OPCML: variants seen among roughly 807,000 people sequenced by gnomAD.
OPCML encodes opioid-binding protein/cell adhesion molecule.
In OPCML, 13 loss-of-function variants were observed where a neutral mutation model predicts 37.8. That is an observed-to-expected ratio of 0.34 (90% CI 0.22 to 0.55). The LOEUF (loss-of-function observed/expected upper bound fraction) is 0.55. OPCML is among the 20% of genes least tolerant of loss of function. The probability of loss-of-function intolerance (pLI) is 0.91; values close to 1 mark genes in which losing one functional copy is unlikely to be tolerated. For synonymous variants in OPCML, 176 were observed against 168.8 expected (o/e 1.04, Z -0.33); for missense variants, 341 against 435.6 (o/e 0.78, Z 1.93).
At chr11:132,620,618 C>T (rs1030021706) in intron 3 of OPCML, among the ~76,000 whole-genome samples, 6 of 152,208 alleles carry the variant, frequency 3.9e-5, no homozygotes, top group Admixed American at 6.5e-5. Flanking sequence ...CAGCTGGTGA[C>T]TTGGCAGGTG....
chr11:132,765,289 G>T (rs1435726592), intron 2 of OPCML, among the ~76,000 whole-genome samples: 1 of 152,154 alleles, frequency 6.6e-6, no homozygotes, highest in East Asian at 1.9e-4. Flanking sequence ...TAAACAAGAC[G>T]TCGTCAGTGA....
At chr11:132,475,079 G>A (rs2096150854) in intron 4 of OPCML, among the ~76,000 whole-genome samples, 1 of 152,094 alleles carries the variant, frequency 6.6e-6, no homozygotes, top group South Asian at 2.1e-4. Context: ...CACCAGCCCT[G>A]AGGTCCCTGC....
intron 3 of OPCML, among the ~76,000 whole-genome samples, chr11:132,577,540 A>C (rs542152986): frequency 1.3e-5 from 2 of 152,260 alleles, no homozygotes; most frequent in Non-Finnish European, 2.9e-5. Context: ...CTGGGATGTA[A>C]AATACAACCA....
chr11:132,516,880 A>G (rs1383585261), intron 4 of OPCML, among the ~76,000 whole-genome samples: 2 of 151,800 alleles, frequency 1.3e-5, no homozygotes, highest in African/African-American at 4.8e-5. Flanking sequence ...TCTCAGACTG[A>G]CTCTAGCTGA....
At chr11:132,456,061 G>A (rs2096081888) in intron 4 of OPCML, among the ~76,000 whole-genome samples, 1 of 152,156 alleles carries the variant, frequency 6.6e-6, no homozygotes, top group Admixed American at 6.5e-5. Context: ...GTAGTCTAGT[G>A]CTCACTATCT....
At chr11:132,648,472 A>G (rs542309189) in intron 3 of OPCML, among the ~76,000 whole-genome samples, 2 of 150,470 alleles carry the variant, frequency 1.3e-5, no homozygotes, top group South Asian at 4.2e-4. Flanking sequence ...ATTTAATTCT[A>G]TTGCAAATAA....
chr11:133,191,501 G>A (rs890711215), intron 1 of OPCML, among the ~76,000 whole-genome samples: 1 of 124,692 alleles, frequency 8.0e-6, no homozygotes, highest in African/African-American at 3.6e-5. Context: ...TTCTGTGTGT[G>A]TGGGTGTGTG....
intron 2 of OPCML, among the ~76,000 whole-genome samples, chr11:132,836,427 C>A (rs934324766): frequency 1.3e-5 from 2 of 152,154 alleles, no homozygotes; most frequent in African/African-American, 4.8e-5. Context: ...AATAACATAA[C>A]TGTCTTAAGG....
chr11:132,740,270 C>T (rs1055569590), intron 2 of OPCML, among the ~76,000 whole-genome samples: 1 of 152,330 alleles, frequency 6.6e-6, no homozygotes, highest in East Asian at 1.9e-4. Context: ...TGGTCCTCCC[C>T]TGCCCCTTGG....
intron 1 of OPCML, among the ~76,000 whole-genome samples, chr11:133,265,744 C>A (rs940014196): frequency 1.3e-5 from 2 of 152,144 alleles, no homozygotes; most frequent in African/African-American, 4.8e-5. Context: ...CGGCGCTCCT[C>A]CCAGGTGTCA....
chr11:133,260,673 A>T (rs1287537099), intron 1 of OPCML, among the ~76,000 whole-genome samples: 1 of 149,564 alleles, frequency 6.7e-6, no homozygotes, highest in Admixed American at 6.6e-5. Flanking sequence ...GGAAACTAAA[A>T]ATTAAATTAA....
intron 4 of OPCML, among the ~76,000 whole-genome samples, chr11:132,453,605 C>T (rs556230866): frequency 6.6e-6 from 1 of 152,172 alleles, no homozygotes; most frequent in African/African-American, 2.4e-5. Flanking sequence ...TTACTCATAA[C>T]TAAATATAAG....
At chr11:133,474,560 G>C (rs1947192679) in intron 1 of OPCML, among the ~76,000 whole-genome samples, 1 of 152,152 alleles carries the variant, frequency 6.6e-6, no homozygotes, top group Non-Finnish European at 1.5e-5. Flanking sequence ...AAAATCATAG[G>C]GTGCTGTGGA....
intron 1 of OPCML, among the ~76,000 whole-genome samples, chr11:133,028,380 C>A (rs1215184942): frequency 6.6e-6 from 1 of 152,264 alleles, no homozygotes; most frequent in East Asian, 1.9e-4. Context: ...CTTACTCTTG[C>A]CTCATCTGCT....
intron 1 of OPCML, among the ~76,000 whole-genome samples, chr11:133,055,357 C>T (rs1381476225): frequency 2.0e-5 from 3 of 148,168 alleles, no homozygotes; most frequent in South Asian, 2.2e-4. Flanking sequence ...CTCTACTGTA[C>T]AATGCTGCCT....
intron 2 of OPCML, among the ~76,000 whole-genome samples, chr11:132,661,172 T>C (rs768067243): frequency 6.6e-6 from 1 of 152,012 alleles, no homozygotes; most frequent in Non-Finnish European, 1.5e-5. Context: ...CCCTGGTGAG[T>C]AGCCATGATC....
Position 133,002,067 on chromosome 11 carries a change from A to G in OPCML, c.62-59057T>C, listed in dbSNP as rs1389139304. Among the ~76,000 whole-genome samples the G allele has an allele frequency of 9.2e-5, 14 of 152,224 alleles. 1 individual carries two copies. Among genetic ancestry groups the G allele is most frequent in the Admixed American group, 5.9e-4 (9 of 15,280 alleles). ...TACAATAAATAGGTCAGATGGTTAG[A>G]CTGGGATTGACTCTCTTGAGATCAA... is the stretch of plus-strand genomic sequence containing the variant. On this transcript the variant is annotated intron_variant, in intron 1 of 7. Coordinates refer to ENST00000524381, the MANE Select transcript of OPCML (RefSeq NM_001012393.5).
At chr11:133,530,792 A>AG (rs1181129486) in intron 1 of OPCML, among the ~76,000 whole-genome samples, 3 of 152,224 alleles carry the variant, frequency 2.0e-5, no homozygotes, top group Non-Finnish European at 4.4e-5. Flanking sequence ...AAAACATTAC[A>AG]GGCTGGATTA....
chr11:133,364,866 G>T (rs1012639059), intron 1 of OPCML, among the ~76,000 whole-genome samples: 1 of 152,086 alleles, frequency 6.6e-6, no homozygotes, highest in Non-Finnish European at 1.5e-5. Context: ...GTGGTGAGGG[G>T]CCTGCTTAAC....
Sources: gnomAD v4.1 joint callset for allele counts (sites outside exome capture counted in the v4.1 genomes callset) on GRCh38, gnomAD v4.1.1 for gene constraint, MANE v1.5 for transcripts, NCBI Gene and HGNC (gene_info 2026-07-23, HGNC 2026-07-21) for gene names.